Variants in SKAP2 observed in about 807,000 individuals in gnomAD.
The protein encoded by SKAP2 is src kinase-associated phosphoprotein 2.
Under a neutral mutation model 54.9 loss-of-function variants are expected in SKAP2, and 28 were observed. The observed-to-expected ratio is 0.51, with a 90% CI of 0.38 to 0.70. SKAP2 has a LOEUF of 0.70. Among genes scored for constraint, SKAP2 ranks in the 30% least tolerant of loss-of-function variants. SKAP2 has a pLI of 0.00. For synonymous variants in SKAP2, 137 were observed against 134.3 expected (o/e 1.02, Z -0.14); for missense variants, 356 against 424.1 (o/e 0.84, Z 1.41).
intron 3 of SKAP2, among the ~76,000 whole-genome samples, chr7:26,849,713 A>G (rs975450781): frequency 6.6e-6 from 1 of 151,418 alleles, no homozygotes; most frequent in Non-Finnish European, 1.5e-5. Context: ...AGCTGTAGAC[A>G]CTAACATTTT....
chr7:26,828,672 G>T (rs1053606876), intron 4 of SKAP2, among the ~76,000 whole-genome samples: 2 of 133,558 alleles, frequency 1.5e-5, no homozygotes, highest in African/African-American at 5.6e-5. Context: ...GTGAGACTCT[G>T]TCTCAAAAAA....
intron 9 of SKAP2, among the ~76,000 whole-genome samples, chr7:26,709,426 G>C (rs766016327): frequency 1.3e-5 from 2 of 152,166 alleles, no homozygotes; most frequent in Non-Finnish European, 2.9e-5. Flanking sequence ...TACTAGGAGT[G>C]AGCAGCCTGA....
intron 4 of SKAP2, among the ~76,000 whole-genome samples, chr7:26,834,142 C>T (rs962164205): frequency 3.9e-5 from 6 of 152,108 alleles, no homozygotes; most frequent in African/African-American, 1.4e-4. Context: ...TTCTTTGAAA[C>T]CAATGAGAAC....
At chr7:26,656,754 A>C in the SKAP2 span, among the ~76,000 whole-genome samples, 1 of 152,212 alleles carries the variant, frequency 6.6e-6, no homozygotes, top group African/African-American at 2.4e-5. Flanking sequence ...TGGAACTTAC[A>C]AAGATATTTC....
chr7:26,683,422 C>T lies in SKAP2; in HGVS notation c.987+1314G>A, dbSNP rs574432650. 3.3e-5 allele frequency among the ~76,000 whole-genome samples: 5 copies of T among 152,222 alleles called. No homozygotes were observed. In the South Asian group the frequency reaches 1.0e-3, roughly 32 times the overall value. Reference sequence around the variant, plus strand: ...GCAGAAGACTGAGAGAAATAAGTGACCAGCCTTAGCTTTGGGCACCCTAAC... The same window carrying T: ...GCAGAAGACTGAGAGAAATAAGTGATCAGCCTTAGCTTTGGGCACCCTAAC... On this transcript the variant is annotated intron_variant, in intron 11 of 12. Coordinates refer to ENST00000345317, the MANE Select transcript of SKAP2 (RefSeq NM_003930.5).
chr7:26,676,161 C>T (rs1363362249), intron 11 of SKAP2, among the ~76,000 whole-genome samples: 2 of 152,162 alleles, frequency 1.3e-5, no homozygotes, highest in Non-Finnish European at 2.9e-5. Context: ...TGGACCCTCA[C>T]AGAATTCCCT....
intron 9 of SKAP2, among the ~76,000 whole-genome samples, chr7:26,709,119 T>C (rs542760558): frequency 6.6e-6 from 1 of 152,328 alleles, no homozygotes; most frequent in East Asian, 1.9e-4. Context: ...CTGTCTTTTA[T>C]ACTTATAAGT....
At chr7:26,727,036 A>G (rs1787723915) in intron 6 of SKAP2, 30 bp from the exon 7 acceptor site, 1 of 1,544,408 alleles carries the variant, frequency 6.5e-7, no homozygotes, top group South Asian at 1.2e-5. Context: ...TTAGAATTTC[A>G]TTTACTAAGT....
rs1283712475 is a variant in SKAP2 at position 26,750,486 on chromosome 7, T to A, written c.308-10522A>T. Among the ~76,000 whole-genome samples, 3 of 151,864 alleles carry A rather than the reference T, an allele frequency of 2.0e-5. No homozygotes were observed. In the South Asian group the frequency reaches 6.3e-4, roughly 32 times the overall value. ...CTACCATGCCCAACTAATTTTTGTATCTGTAGTAGAGATGGGGTTTCACCA... is the reference window on the plus strand; with the variant it reads ...CTACCATGCCCAACTAATTTTTGTAACTGTAGTAGAGATGGGGTTTCACCA... On this transcript the variant is annotated intron_variant, in intron 4 of 12. Transcript: ENST00000345317.
chr7:26,807,874 A>AT (rs1784061881), intron 4 of SKAP2, among the ~76,000 whole-genome samples: 1 of 67,056 alleles, frequency 1.5e-5, no homozygotes. Flanking sequence ...GATTGTTAGC[A>AT]CTTTTTTTAG....
intron 4 of SKAP2, among the ~76,000 whole-genome samples, chr7:26,841,433 T>C (rs1246567310): frequency 6.6e-6 from 1 of 152,068 alleles, no homozygotes; most frequent in Non-Finnish European, 1.5e-5. Flanking sequence ...TCAATTTCTA[T>C]ACGGTGCCTG....
At position 26,854,132 on chromosome 7, in the gene SKAP2, C is replaced by CT; in HGVS notation, c.199+4dup. ...TTTTCAAGTTTGCCAAACATGAAAACTTACCTTTGTCTTGAAATTCCTGAA... is the reference window on the plus strand; with the variant it reads ...TTTTCAAGTTTGCCAAACATGAAAACTTTACCTTTGTCTTGAAATTCCTGAA... On this transcript the variant is annotated splice_donor_region_variant and intron_variant, in intron 3 of 12. Transcript: ENST00000345317. The CT allele has an allele frequency of 2.5e-6, 4 of 1,583,758 alleles. No individual in the cohort carries two copies. The highest frequency in any genetic ancestry group is 3.4e-6 in the Non-Finnish European group (4 of 1,164,396).
In SKAP2 at chr7:26,678,369, G is replaced by C. The variant is rs190463245; in HGVS notation, c.987+6367C>G. On this transcript the variant is annotated intron_variant, in intron 11 of 12. Transcript: ENST00000345317. The stretch of plus-strand genomic sequence containing the variant: ...GGTCTCCACCCTGCTCTTCCAAAGA[G>C]AATCTTATCTTCTCCCAAAGAGAAC... Among the ~76,000 whole-genome samples the C allele has an allele frequency of 6.8e-4, 103 of 151,792 alleles. 1 individual carries two copies. The Middle Eastern group carries it at 0.017, about 25-fold the overall frequency.
intron 4 of SKAP2, among the ~76,000 whole-genome samples, chr7:26,816,959 C>T (rs1255281451): frequency 6.6e-6 from 1 of 152,130 alleles, no homozygotes; most frequent in Non-Finnish European, 1.5e-5. Flanking sequence ...TGGGCACAGT[C>T]ACAGTGATGG....
chr7:26,790,610 T>C (rs1261388299), intron 4 of SKAP2, among the ~76,000 whole-genome samples: 1 of 152,230 alleles, frequency 6.6e-6, no homozygotes, highest in Non-Finnish European at 1.5e-5. Flanking sequence ...CATTCATATG[T>C]TGGTCATTTT....
chr7:26,761,673 C>T (rs1052561933), intron 4 of SKAP2, among the ~76,000 whole-genome samples: 1 of 152,064 alleles, frequency 6.6e-6, no homozygotes, highest in African/African-American at 2.4e-5. Context: ...CCGAGGTGGT[C>T]GGACTGCCTG....
chr7:26,771,609 T>G (rs1783192302), intron 4 of SKAP2, among the ~76,000 whole-genome samples: 1 of 152,214 alleles, frequency 6.6e-6, no homozygotes, highest in Non-Finnish European at 1.5e-5. Context: ...CATATTTATA[T>G]AGCTGTCTTT....
At chr7:26,804,458 G>A (rs921160052) in intron 4 of SKAP2, among the ~76,000 whole-genome samples, 15 of 151,922 alleles carry the variant, frequency 9.9e-5, no homozygotes, top group Admixed American at 4.6e-4. Flanking sequence ...AGAATGTGCC[G>A]GGCCGGGCCT....
At chr7:26,860,843 A>G (rs1041787332) in intron 1 of SKAP2, among the ~76,000 whole-genome samples, 8 of 46 alleles carry the variant, frequency 0.17, no homozygotes, top group South Asian at 0.4. Context: ...ATATTCACAC[A>G]TTATAATCAA....
Sources: allele counts gnomAD v4.1 joint callset (sites outside exome capture counted in the v4.1 genomes callset), GRCh38; gene constraint gnomAD v4.1.1; transcripts MANE v1.5; gene names NCBI Gene and HGNC (gene_info 2026-07-23, HGNC 2026-07-21).